The following LINGO2 variants were observed in gnomAD, a reference collection of about 807,000 sequenced individuals.
LINGO2 encodes the protein leucine-rich repeat and immunoglobulin-like domain-containing nogo receptor-interacting protein 2.
LINGO2 carries 14 observed loss-of-function variants against 30.6 expected under a neutral mutation model. The ratio of observed to expected loss-of-function variants is 0.46; its 90% CI spans 0.30 to 0.72. The LOEUF (loss-of-function observed/expected upper bound fraction) is 0.72. Among genes scored for constraint, LINGO2 ranks in the 30% least tolerant of loss-of-function variants. LINGO2 has a pLI of 0.07. For missense variants in LINGO2, 729 were observed against 751.7 expected (o/e 0.97, Z 0.35); for synonymous variants, 317 against 288.5 (o/e 1.10, Z -1.00).
intron 4 of LINGO2, among the ~76,000 whole-genome samples, chr9:28,091,481 G>GA (rs1305011976): frequency 6.6e-6 from 1 of 152,144 alleles, no homozygotes; most frequent in Non-Finnish European, 1.5e-5. Context: ...ATGGTGCTGG[G>GA]AAAACTGGCT....
chr9:29,102,221 A>G, the LINGO2 span, among the ~76,000 whole-genome samples: 1 of 151,944 alleles, frequency 6.6e-6, no homozygotes, highest in Non-Finnish European at 1.5e-5. Flanking sequence ...AGCTGGGACT[A>G]CAGGTGCCCG....
intron 4 of LINGO2, among the ~76,000 whole-genome samples, chr9:28,153,882 T>G (rs1197193590): frequency 5.9e-5 from 9 of 152,156 alleles, no homozygotes; most frequent in African/African-American, 2.2e-4. Flanking sequence ...CATGATTAAA[T>G]TTCATTAAGG....
chr9:29,189,905 A>G, the LINGO2 span, among the ~76,000 whole-genome samples: 185 of 147,172 alleles, frequency 1.3e-3, 3 homozygotes, highest in African/African-American at 4.8e-3. Context: ...GCAGGCACTC[A>G]GCAGGCTGAG....
chr9:28,553,228 A>G lies in LINGO2; in HGVS notation c.-364-77203T>C, dbSNP rs544948318. On this transcript the variant is annotated intron_variant, in intron 1 of 5. Transcript: ENST00000379992. The stretch of plus-strand genomic sequence containing the variant: ...CTAAGGGAGGACATTCAAACCAAAG[A>G]CAAAGAAGTTGAAAACTTTGAAAAA... Among the ~76,000 whole-genome samples, 232 of 152,194 alleles carry G rather than the reference A, an allele frequency of 1.5e-3. 1 individual carries two copies. Among genetic ancestry groups the G allele is most frequent in the East Asian group, 5.8e-3 (30 of 5,168 alleles).
At chr9:28,254,101 G>A (rs1215378161) in intron 4 of LINGO2, among the ~76,000 whole-genome samples, 1 of 152,042 alleles carries the variant, frequency 6.6e-6, no homozygotes, top group Non-Finnish European at 1.5e-5. Context: ...CCCGTCTTTA[G>A]CTGAACTAAG....
the LINGO2 span, among the ~76,000 whole-genome samples, chr9:28,676,675 C>T: frequency 1.3e-5 from 2 of 152,070 alleles, no homozygotes; most frequent in Non-Finnish European, 2.9e-5. Context: ...GAGGACTTCA[C>T]TGTGGATTGC....
intron 4 of LINGO2, among the ~76,000 whole-genome samples, chr9:28,121,993 T>G (rs1299885845): frequency 6.6e-6 from 1 of 151,786 alleles, no homozygotes; most frequent in Non-Finnish European, 1.5e-5. Context: ...CTATTTTATA[T>G]ATGGGAGAAA....
At chr9:28,706,516 G>GC in the LINGO2 span, among the ~76,000 whole-genome samples, 1 of 152,144 alleles carries the variant, frequency 6.6e-6, no homozygotes, top group Admixed American at 6.6e-5. Flanking sequence ...TAGAAAACTT[G>GC]TTTTAAAATT....
chr9:28,194,579 AAT>A (rs1554685617), intron 4 of LINGO2, among the ~76,000 whole-genome samples: 10,771 of 148,922 alleles, frequency 0.072, 566 homozygotes, highest in East Asian at 0.18. Flanking sequence ...AAAAAAAAAA[AAT>A]GGCTAAATTC....
At chr9:28,936,758 T>C in the LINGO2 span, among the ~76,000 whole-genome samples, 1 of 152,236 alleles carries the variant, frequency 6.6e-6, no homozygotes, top group African/African-American at 2.4e-5. Context: ...TTATTATAAG[T>C]GGTCAGTCAC....
chr9:28,616,946 A>ATGTT (rs1362233707), intron 1 of LINGO2, among the ~76,000 whole-genome samples: 1 of 152,122 alleles, frequency 6.6e-6, no homozygotes, highest in East Asian at 1.9e-4. Context: ...GCATACATAT[A>ATGTT]TGTTTGTTTG....
At chr9:28,294,482 A>T (rs1587407199) in intron 4 of LINGO2, among the ~76,000 whole-genome samples, 3 of 152,220 alleles carry the variant, frequency 2.0e-5, no homozygotes, top group African/African-American at 7.2e-5. Context: ...AATAGCTTGT[A>T]GTTTCTTCAG....
At chr9:29,154,449 CAAAA>C in the LINGO2 span, among the ~76,000 whole-genome samples, 1 of 95,488 alleles carries the variant, frequency 1.0e-5, no homozygotes, top group Non-Finnish European at 2.0e-5. Context: ...GACTCCGTCT[CAAAA>C]AAAAAAAAAA....
intron 5 of LINGO2, among the ~76,000 whole-genome samples, chr9:27,985,565 T>A (rs554803606): frequency 0.062 from 9,340 of 151,656 alleles, 580 homozygotes; most frequent in African/African-American, 0.14. Flanking sequence ...TTTGGGGGAT[T>A]TTTTGACATT....
chr9:28,442,939 A>G (rs1396858965), intron 2 of LINGO2, among the ~76,000 whole-genome samples: 1 of 150,818 alleles, frequency 6.6e-6, no homozygotes, highest in Non-Finnish European at 1.5e-5. Flanking sequence ...TATATTTTCC[A>G]TATACTCAAT....
intron 3 of LINGO2, among the ~76,000 whole-genome samples, chr9:28,317,991 C>A (rs1245292128): frequency 1.3e-5 from 2 of 152,156 alleles, no homozygotes; most frequent in Non-Finnish European, 2.9e-5. Flanking sequence ...TGAGTCACAT[C>A]AAAAGACTAT....
At chr9:29,088,922 T>C in the LINGO2 span, among the ~76,000 whole-genome samples, 6 of 152,140 alleles carry the variant, frequency 3.9e-5, no homozygotes, top group African/African-American at 1.4e-4. Context: ...TCCTGAAATA[T>C]GTGCTTCTGA....
At chr9:29,012,539 G>A in the LINGO2 span, among the ~76,000 whole-genome samples, 1 of 152,074 alleles carries the variant, frequency 6.6e-6, no homozygotes, top group African/African-American at 2.4e-5. Flanking sequence ...TCTTTTTCAT[G>A]TGTTAGTAGG....
At chr9:28,378,743 A>T (rs1821226472) in intron 2 of LINGO2, among the ~76,000 whole-genome samples, 1 of 152,154 alleles carries the variant, frequency 6.6e-6, no homozygotes, top group Non-Finnish European at 1.5e-5. Flanking sequence ...TCTTAATTTA[A>T]TTGGGATTGT....
Sources: gnomAD v4.1 joint callset for allele counts (sites outside exome capture counted in the v4.1 genomes callset) on GRCh38, gnomAD v4.1.1 for gene constraint, MANE v1.5 for transcripts, NCBI Gene and HGNC (gene_info 2026-07-23, HGNC 2026-07-21) for gene names.